AFDN: variants seen among roughly 807,000 people sequenced by gnomAD.
AFDN encodes afadin.
In AFDN, 68 loss-of-function variants were observed where a neutral mutation model predicts 216.6. The ratio of observed to expected loss-of-function variants is 0.31; its 90% CI spans 0.26 to 0.38. The LOEUF (loss-of-function observed/expected upper bound fraction) is 0.38. Ranked by LOEUF, AFDN falls within the 10% of genes least tolerant of loss-of-function variation. The pLI, the probability that AFDN is intolerant of heterozygous loss-of-function variation, is 1.00. For missense variants in AFDN, 2,136 were observed against 2,342.0 expected, an observed-to-expected ratio of 0.91 and a Z score of 1.82; for synonymous variants, 868 against 853.7, an observed-to-expected ratio of 1.02 and a Z score of -0.29.
At chr6:167,864,466 A>G (rs1358859879) in intron 1 of AFDN, 85 bp from the exon 2 acceptor site, 7 of 1,286,844 alleles carry the variant, frequency 5.4e-6, no homozygotes, top group African/African-American at 1.5e-5. Flanking sequence ...AAAAAAGTGA[A>G]CAGACTTCCT....
chr6:167,846,633 A>G (rs543903955), intron 1 of AFDN, among the ~76,000 whole-genome samples: 6 of 150,582 alleles, frequency 4.0e-5, no homozygotes, highest in African/African-American at 1.5e-4. Context: ...TTTTTTTTTC[A>G]GTTTATTTCC....
At position 167,948,340 on chromosome 6, in the gene AFDN, G is replaced by T; in HGVS notation, c.3693G>T (p.Gln1231His). 6.2e-7 allele frequency: 1 copy of T among 1,614,096 alleles called. No homozygotes were observed. The highest frequency in any genetic ancestry group is 8.5e-7 in the Non-Finnish European group (1 of 1,179,994). The change falls in exon 29 of 34, where the codon CAG becomes CAT. Residue 1231 changes from glutamine (Q) to histidine (H), a missense_variant. Coordinates refer to ENST00000683244, the MANE Select transcript of AFDN (RefSeq NM_001386888.1). ...CTGAAGCCTACCCCATCCCCACTCA[G>T]ACGTACACCAGAGAGTATTTTACCT... Reference protein sequence around the residue: ...PRPEAYPIPTQTYTREYFTFP... With the variant: ...PRPEAYPIPTHTYTREYFTFP...
At chr6:167,958,469 C>G (rs1339122732) in intron 30 of AFDN, among the ~76,000 whole-genome samples, 2 of 152,116 alleles carry the variant, frequency 1.3e-5, no homozygotes, top group Non-Finnish European at 2.9e-5. Context: ...ACCATTTTCT[C>G]GAAATTTACT....
intron 31 of AFDN, chr6:167,964,200 A>G: frequency 3.8e-6 from 4 of 1,063,858 alleles, no homozygotes; most frequent in Non-Finnish European, 4.6e-6. Context: ...CGAATAACCT[A>G]TTTTTATATC....
chr6:167,922,586 TTTCTTA>T (rs1791971323), intron 21 of AFDN, among the ~76,000 whole-genome samples: 1 of 152,338 alleles, frequency 6.6e-6, no homozygotes, highest in Admixed American at 6.5e-5. Flanking sequence ...TATTTGGTAA[TTTCTTA>T]TAGGAGTAAG....
chr6:167,838,052 T>G (rs557972418), intron 1 of AFDN, among the ~76,000 whole-genome samples: 2 of 152,368 alleles, frequency 1.3e-5, no homozygotes, highest in East Asian at 3.8e-4. Flanking sequence ...ATTTTATCAT[T>G]GTGATAGTAG....
intron 23 of AFDN, among the ~76,000 whole-genome samples, chr6:167,934,857 A>G (rs1223180485): frequency 1.3e-5 from 2 of 152,188 alleles, no homozygotes; most frequent in African/African-American, 2.4e-5. Flanking sequence ...CTACACTTCT[A>G]TAAGCCCTCT....
intron 1 of AFDN, among the ~76,000 whole-genome samples, chr6:167,838,111 A>G (rs887028839): frequency 1.3e-5 from 2 of 152,198 alleles, no homozygotes; most frequent in Non-Finnish European, 2.9e-5. Context: ...TTATTTTGTA[A>G]CTATATACAA....
chr6:167,940,535 ATG>A (rs752163647), intron 23 of AFDN, among the ~76,000 whole-genome samples: 3 of 35,340 alleles, frequency 8.5e-5, no homozygotes, highest in African/African-American at 3.4e-4. Context: ...CACAGGAGAG[ATG>A]TGTGGACAGA....
chr6:167,921,664 G>A (rs556579383), intron 21 of AFDN, among the ~76,000 whole-genome samples: 2 of 151,992 alleles, frequency 1.3e-5, no homozygotes, highest in African/African-American at 4.8e-5. Flanking sequence ...TTATGGAAAT[G>A]CGGCCCTTGA....
At chr6:167,963,496 A>G (rs897257097) in intron 31 of AFDN, 2 of 1,054,384 alleles carry the variant, frequency 1.9e-6, no homozygotes, top group Admixed American at 5.5e-5. Context: ...TTCACAGAAA[A>G]GAACTTGTAG....
chr6:167,907,005 C>T (rs1789778310), intron 12 of AFDN, among the ~76,000 whole-genome samples, 166 bp from the exon 13 acceptor site: 1 of 152,224 alleles, frequency 6.6e-6, no homozygotes, highest in African/African-American at 2.4e-5. Context: ...GCTTTGGGCA[C>T]TCCCCGTGGA....
At position 167,970,694 on chromosome 6, in the gene AFDN, A is replaced by G; in HGVS notation, c.*759A>G. ...ATACCAGATTATTGTTAGACTTAAT[A>G]AATCACTGTTAAATTTAAAGATGAC... On this transcript the variant is annotated 3_prime_UTR_variant, in exon 34 of 34. Transcript: ENST00000683244. 4.7e-6 allele frequency: 1 copy of G among 210,538 alleles called. No homozygotes were observed. The highest frequency in any genetic ancestry group is 7.2e-5 in the East Asian group (1 of 13,810). The allele number at this position is 210,538 out of a possible 1,614,324, so 13.0% of individuals were successfully genotyped here. A position where few individuals can be genotyped will look rare whatever the true frequency, so the allele number is the denominator to read the frequency against.
At chr6:167,853,274 C>T (rs952537518) in intron 1 of AFDN, among the ~76,000 whole-genome samples, 7 of 152,132 alleles carry the variant, frequency 4.6e-5, no homozygotes, top group Non-Finnish European at 8.8e-5. Context: ...AACACAACTA[C>T]CTGTTGGCTT....
intron 29 of AFDN, among the ~76,000 whole-genome samples, chr6:167,950,701 T>C (rs1328214773): frequency 6.6e-6 from 1 of 152,172 alleles, no homozygotes; most frequent in East Asian, 1.9e-4. Flanking sequence ...TTACATATTA[T>C]GAATAAACAC....
At chr6:167,869,145 C>T (rs1397026583) in intron 2 of AFDN, among the ~76,000 whole-genome samples, 1 of 152,052 alleles carries the variant, frequency 6.6e-6, no homozygotes, top group Non-Finnish European at 1.5e-5. Flanking sequence ...CATATGCATT[C>T]TGACTGTGAG....
At chr6:167,909,087 T>C (rs73032768) in intron 13 of AFDN, among the ~76,000 whole-genome samples, 3,372 of 152,272 alleles carry the variant, frequency 0.022, 60 homozygotes, top group Non-Finnish European at 0.033. Context: ...TTATGAGATA[T>C]ATAACTGCCT....
In AFDN at chr6:167,827,163, C is replaced by A; in HGVS notation, c.31C>A (p.Arg11=). 2 of 1,300,988 alleles carry A rather than the reference C, an allele frequency of 1.5e-6. No homozygotes were observed. The highest frequency in any genetic ancestry group is 2.0e-6 in the Non-Finnish European group (2 of 996,016). The allele number at this position is 1,300,988 out of a possible 1,614,324, so 80.6% of individuals were successfully genotyped here. A position where few individuals can be genotyped will look rare whatever the true frequency, so the allele number is the denominator to read the frequency against. The part of the protein sequence containing the change: MSAGGRDEER[R]KLADIIHHWN... ...GGCGGGCGGCCGTGACGAGGAGCGG[C>A]GGAAGCTGGCCGACATCATCCACCA... is the stretch of plus-strand genomic sequence containing the variant. Residue 11 remains arginine (R), a synonymous_variant, in exon 1 of 34, where the codon CGG becomes AGG. Coordinates refer to ENST00000683244, the MANE Select transcript of AFDN (RefSeq NM_001386888.1).
chr6:167,904,078 C>T (rs1156548984), intron 12 of AFDN, among the ~76,000 whole-genome samples: 1 of 152,294 alleles, frequency 6.6e-6, no homozygotes, highest in African/African-American at 2.4e-5. Flanking sequence ...ATGTAGGGCA[C>T]CAATCTGTTT....
Sources: gnomAD v4.1 joint callset for allele counts (sites outside exome capture counted in the v4.1 genomes callset) on GRCh38, gnomAD v4.1.1 for gene constraint, MANE v1.5 for transcripts, NCBI Gene and HGNC (gene_info 2026-07-23, HGNC 2026-07-21) for gene names.